The following PCBP3 variants were observed in gnomAD, a reference collection of about 807,000 sequenced individuals.
The protein encoded by PCBP3 is poly(rC)-binding protein 3.
PCBP3 carries 25 observed loss-of-function variants against 52.7 expected under a neutral mutation model. The observed-to-expected ratio is 0.47, with a 90% confidence interval of 0.35 to 0.66. The LOEUF is 0.66. Ranked by LOEUF, PCBP3 falls within the 30% of genes least tolerant of loss-of-function variation. The pLI is 0.01. For missense variants in PCBP3, 391 were observed against 490.3 expected, an observed-to-expected ratio of 0.80 and a Z score of 1.91; for synonymous variants, 162 against 183.0, an observed-to-expected ratio of 0.89 and a Z score of 0.93.
rs538162245 is a variant in PCBP3, at chr21:45,894,141, G to T, written c.11-2067G>T. ...GGTCCTCTGGGGCTCTGGGCACTGA[G>T]TCCCAGGTGACCCGCACGGCACAGG... On this transcript the variant is annotated intron_variant, in intron 5 of 17. Transcript: ENST00000681687. The T allele has an allele frequency of 6.6e-4, 371 of 562,884 alleles. 2 individuals are homozygous for T. Among genetic ancestry groups the T allele is most frequent in the Non-Finnish European group, 8.0e-4 (356 of 443,388 alleles). 34.9% of individuals were successfully genotyped at this position (562,884 alleles called of 1,614,324 possible). A position where few individuals can be genotyped will look rare whatever the true frequency, so the allele number is the denominator to read the frequency against.
At chr21:45,725,146 T>C (rs2084935608) in intron 2 of PCBP3, among the ~76,000 whole-genome samples, 1 of 152,162 alleles carries the variant, frequency 6.6e-6, no homozygotes, top group South Asian at 2.1e-4. Context: ...TGCAAACCAG[T>C]GGCAATGCCA....
chr21:45,661,802 C>G lies in PCBP3; in HGVS notation c.-278-7072C>G, dbSNP rs544758340. Among the ~76,000 whole-genome samples the G allele has an allele frequency of 1.4e-3, 218 of 152,312 alleles. 2 individuals are homozygous for G. The highest frequency in any genetic ancestry group is 6.8e-3 in the Middle Eastern group (2 of 294). On this transcript the variant is annotated intron_variant, in intron 1 of 17. Transcript: ENST00000681687. ...CTTTTCTCTGCATACTTGCCAACAT[C>G]TGTCATTTTTTGACTTTTTAATAAT...
At chr21:45,676,536 TG>T (rs1026659499) in intron 2 of PCBP3, among the ~76,000 whole-genome samples, 9 of 152,334 alleles carry the variant, frequency 5.9e-5, no homozygotes, top group South Asian at 4.1e-4. Context: ...TGGTTATCTG[TG>T]GTCAGCGATC....
chr21:45,807,218 T>C (rs146100105), intron 4 of PCBP3, among the ~76,000 whole-genome samples: 27 of 152,312 alleles, frequency 1.8e-4, no homozygotes, highest in Non-Finnish European at 3.1e-4. Flanking sequence ...AAATAAAGGA[T>C]ATTCAAATAG....
intron 4 of PCBP3, among the ~76,000 whole-genome samples, chr21:45,808,111 C>T (rs1173258076): frequency 6.6e-6 from 1 of 152,150 alleles, no homozygotes; most frequent in Non-Finnish European, 1.5e-5. Context: ...AAAACCTAGG[C>T]AATACCATTC....
intron 5 of PCBP3, among the ~76,000 whole-genome samples, chr21:45,875,206 C>T (rs1297786601): frequency 1.3e-5 from 2 of 151,934 alleles, no homozygotes; most frequent in Non-Finnish European, 2.9e-5. Context: ...TTCCACGCGG[C>T]GCGCTCCAGC....
Position 45,941,739 on chromosome 21 carries a change from C to T in PCBP3, c.*33C>T. On this transcript the variant is annotated 3_prime_UTR_variant, in exon 18 of 18. Coordinates refer to ENST00000681687, the MANE Select transcript of PCBP3 (RefSeq NM_001384156.1). Reference sequence around the variant, plus strand: ...CAGCACCCTTCCCCCGCGTCACCCACCTGCCAGAGCCTAAGGCCCCCGGCT... The same window carrying T: ...CAGCACCCTTCCCCCGCGTCACCCATCTGCCAGAGCCTAAGGCCCCCGGCT... The T allele has an allele frequency of 6.3e-7, 1 of 1,584,514 alleles. No individual in the cohort carries two copies. Among genetic ancestry groups the T allele is most frequent in the Non-Finnish European group, 8.6e-7 (1 of 1,162,484 alleles).
At chr21:45,665,399 T>A (rs952864482) in intron 1 of PCBP3, among the ~76,000 whole-genome samples, 1 of 151,946 alleles carries the variant, frequency 6.6e-6, no homozygotes, top group African/African-American at 2.4e-5. Flanking sequence ...CAGAGTGAGA[T>A]CCCACCTTTA....
At chr21:45,670,015 T>C (rs1369023582) in intron 2 of PCBP3, among the ~76,000 whole-genome samples, 5 of 151,794 alleles carry the variant, frequency 3.3e-5, no homozygotes, top group Non-Finnish European at 5.9e-5. Context: ...GCTAATACTT[T>C]TCTTAACTTT....
intron 4 of PCBP3, among the ~76,000 whole-genome samples, chr21:45,777,981 T>C (rs1050825170): frequency 2.6e-5 from 4 of 151,718 alleles, no homozygotes; most frequent in African/African-American, 9.7e-5. Flanking sequence ...TTTTTTTTTT[T>C]TTTGGTTTCT....
Position 45,928,820 on chromosome 21 carries a change from G to A in PCBP3, c.718-1097G>A, listed in dbSNP as rs961475290. Among the ~76,000 whole-genome samples, 1 of 152,194 alleles carries A rather than the reference G, an allele frequency of 6.6e-6. No homozygotes were observed. Among genetic ancestry groups the A allele is most frequent in the Non-Finnish European group, 1.5e-5 (1 of 68,028 alleles). ...ACGCTGGGATTTATTTGGGTTGAATGTTCTGAAGGGAAAATGCTGGGGAGG... is the reference window on the plus strand; with the variant it reads ...ACGCTGGGATTTATTTGGGTTGAATATTCTGAAGGGAAAATGCTGGGGAGG... On this transcript the variant is annotated intron_variant, in intron 13 of 17. Coordinates refer to ENST00000681687, the MANE Select transcript of PCBP3 (RefSeq NM_001384156.1). The surrounding 1 kb of genome is among the most constrained non-coding windows in gnomAD (Gnocchi z 4.1).
rs1236736923 is a variant in PCBP3 at position 45,805,987 on chromosome 21, C to T, written c.-125-43974C>T. 2.6e-5 allele frequency among the ~76,000 whole-genome samples: 4 copies of T among 152,204 alleles called. No individual in the cohort carries two copies. Among genetic ancestry groups the T allele is most frequent in the African/African-American group, 9.7e-5 (4 of 41,444 alleles). ...GAGAAGATGGAGGAGCCTCCTTGTG[C>T]TGCTGTGTCTCAGCATTAGAGAGGG... On this transcript the variant is annotated intron_variant, in intron 4 of 17. Coordinates refer to ENST00000681687, the MANE Select transcript of PCBP3 (RefSeq NM_001384156.1). This position sits in a 1 kb window ranked among gnomAD's most constrained non-coding sequence, Gnocchi z 4.6.
In PCBP3 at chr21:45,901,081, G is replaced by A. The variant is rs759959919; in HGVS notation, c.307G>A (p.Ala103Thr). Residue 103 changes from alanine (A) to threonine (T), a missense_variant, in exon 9 of 18, where the codon GCC becomes ACC. Physicochemically the swap from Ala to Thr is moderately conservative, Grantham distance 58. Coordinates refer to ENST00000681687, the MANE Select transcript of PCBP3 (RefSeq NM_001384156.1). ...ITGPTDAIFK[A>T]FAMIAYKFEE... is the part of the protein sequence containing the mutation. Reference sequence around the variant, plus strand: ...AGGCCCCACAGACGCCATCTTCAAGGCCTTTGCCATGATCGCATACAAGTT... The same window carrying A: ...AGGCCCCACAGACGCCATCTTCAAGACCTTTGCCATGATCGCATACAAGTT... 1 of 1,613,842 alleles carries A rather than the reference G, an allele frequency of 6.2e-7. No individual in the cohort carries two copies. Among genetic ancestry groups the A allele is most frequent in the Non-Finnish European group, 8.5e-7 (1 of 1,179,768 alleles).
rs201215749 is a variant in PCBP3 at position 45,941,675 on chromosome 21, C to T, written c.1085C>T (p.Thr362Met). 8.2e-5 allele frequency: 132 copies of T among 1,606,728 alleles called. No individual in the cohort carries two copies. Among genetic ancestry groups the T allele is most frequent in the Non-Finnish European group, 1.0e-4 (123 of 1,176,666 alleles). ...LAQYLINARL[T>M]SEVTGMGTL ...CCTGCCTTTGTCTGTTCCAGGCTGA[C>T]GTCCGAGGTCACCGGGATGGGCACG... The change falls in exon 18 of 18, where the codon ACG becomes ATG. Residue 362 changes from threonine to methionine, a missense_variant. Physicochemically the swap from Thr to Met is moderately conservative, Grantham distance 81. Coordinates refer to ENST00000681687, the MANE Select transcript of PCBP3 (RefSeq NM_001384156.1).
chr21:45,885,207 G>A (rs914074702), intron 5 of PCBP3, among the ~76,000 whole-genome samples: 1 of 152,174 alleles, frequency 6.6e-6, no homozygotes, highest in Non-Finnish European at 1.5e-5. Context: ...GCACTGAGCA[G>A]TTCGGGGCCA....
chr21:45,924,075 G>A (rs1167132472), intron 13 of PCBP3, among the ~76,000 whole-genome samples: 7 of 126,158 alleles, frequency 5.5e-5, no homozygotes, highest in South Asian at 2.8e-4. Flanking sequence ...ACGTAAGATC[G>A]GGTGTGCACG....
chr21:45,686,910 C>T (rs1797928329), intron 2 of PCBP3, among the ~76,000 whole-genome samples: 1 of 151,954 alleles, frequency 6.6e-6, no homozygotes, highest in African/African-American at 2.4e-5. Context: ...TGTGACATAA[C>T]CTAGAAGTCC....
At chr21:45,703,244 G>A (rs957489788) in intron 2 of PCBP3, among the ~76,000 whole-genome samples, 7 of 152,288 alleles carry the variant, frequency 4.6e-5, no homozygotes, top group Middle Eastern at 3.4e-3. Context: ...TAATGACATC[G>A]AGAACGGTGA....
At position 45,893,341 on chromosome 21, in the gene PCBP3, T is replaced by G. The variant is rs550961960; in HGVS notation, c.11-2867T>G. Among the ~76,000 whole-genome samples, 501 of 151,398 alleles carry G rather than the reference T, an allele frequency of 3.3e-3. 2 individuals carry two copies. The highest frequency in any genetic ancestry group is 5.4e-3 in the Admixed American group (82 of 15,212). On this transcript the variant is annotated intron_variant, in intron 5 of 17. Coordinates refer to ENST00000681687, the MANE Select transcript of PCBP3 (RefSeq NM_001384156.1). ...TGGGGGCAGTGGGGGTGGAAGAGGA[T>G]GCAGAAAAGCTCAGATTGTGCCTCA...
Sources: allele counts gnomAD v4.1 joint callset (sites outside exome capture counted in the v4.1 genomes callset), GRCh38; gene constraint gnomAD v4.1.1; non-coding constraint Gnocchi (gnomAD v3.1); transcripts MANE v1.5; gene names NCBI Gene and HGNC (gene_info 2026-07-23, HGNC 2026-07-21).